The following WDFY2 variants were observed in gnomAD, a reference collection of about 807,000 sequenced individuals.
WDFY2 encodes WD repeat and FYVE domain containing 2, also known as WD repeat and FYVE domain-containing protein 2.
Under a neutral mutation model 56.4 loss-of-function variants are expected in WDFY2, and 36 were observed. That is an observed-to-expected ratio of 0.64 (90% CI 0.49 to 0.84). The LOEUF is 0.84. Among genes scored for constraint, WDFY2 ranks in the 40% least tolerant of loss-of-function variants. The pLI is 0.00. For synonymous variants in WDFY2, 176 were observed against 183.7 expected, an observed-to-expected ratio of 0.96 and a Z score of 0.34; for missense variants, 444 against 512.2, an observed-to-expected ratio of 0.87 and a Z score of 1.29.
intron 4 of WDFY2, 37 bp from the exon 5 acceptor site, chr13:51,719,161 T>C (rs1463764282): frequency 1.2e-6 from 2 of 1,613,876 alleles, no homozygotes; most frequent in Non-Finnish European, 1.7e-6. Flanking sequence ...CTCCTTAGGA[T>C]GCTTTATAGG....
chr13:51,675,233 G>C lies in WDFY2; in HGVS notation c.269G>C (p.Gly90Ala). 1 of 1,613,384 alleles carries C rather than the reference G, an allele frequency of 6.2e-7. No homozygotes were observed. The highest frequency in any genetic ancestry group is 8.5e-7 in the Non-Finnish European group (1 of 1,179,400). Residue 90 changes from glycine (G) to alanine (A), a missense_variant, in exon 3 of 12, where the codon GGT becomes GCT. Physicochemically the swap from Gly to Ala is moderately conservative, Grantham distance 60 (BLOSUM62 0). Coordinates refer to ENST00000298125, the MANE Select transcript of WDFY2 (RefSeq NM_052950.4). ...AGACTGTCCATAGGTCTAGACAATG[G>C]TACAATCTCAGTAAGTACACATAAA... ...TRRLSIGLDN[G>A]TISEFILSED...
At chr13:51,690,465 G>A (rs558451174) in intron 3 of WDFY2, among the ~76,000 whole-genome samples, 15 of 151,052 alleles carry the variant, frequency 9.9e-5, no homozygotes, top group Non-Finnish European at 1.5e-4. Context: ...TTGTTCTTGT[G>A]ATAGTTTACT....
intron 1 of WDFY2, among the ~76,000 whole-genome samples, chr13:51,658,794 A>C (rs2073672313): frequency 6.6e-6 from 1 of 152,250 alleles, no homozygotes; most frequent in African/African-American, 2.4e-5. Context: ...CTCACAAATT[A>C]ATATAATTGA....
chr13:51,653,025 G>T (rs998542146), intron 1 of WDFY2, among the ~76,000 whole-genome samples: 1 of 152,114 alleles, frequency 6.6e-6, no homozygotes, highest in Non-Finnish European at 1.5e-5. Flanking sequence ...CATTCTCCCC[G>T]TCACTTTCAG....
At chr13:51,630,527 A>G (rs1366065054) in intron 1 of WDFY2, among the ~76,000 whole-genome samples, 1 of 148,100 alleles carries the variant, frequency 6.8e-6, no homozygotes, top group Admixed American at 6.7e-5. Context: ...TTCTTTATGC[A>G]TACTTTTTGA....
intron 4 of WDFY2, among the ~76,000 whole-genome samples, chr13:51,714,875 G>A (rs562758503): frequency 6.6e-6 from 1 of 152,344 alleles, no homozygotes; most frequent in East Asian, 1.9e-4. Context: ...CTGGGCTAGA[G>A]GGTATAGCCT....
In WDFY2 at chr13:51,612,588, G is replaced by A. The variant is rs909777766; in HGVS notation, c.137+27764G>A. On this transcript the variant is annotated intron_variant, in intron 1 of 11. Transcript: ENST00000298125. Reference sequence around the variant, plus strand: ...TATGCCAAAAAGTGTATTAAACTCTGAGAAGTGATATAGTCCATTTGTAAA... The same window carrying A: ...TATGCCAAAAAGTGTATTAAACTCTAAGAAGTGATATAGTCCATTTGTAAA... Among the ~76,000 whole-genome samples the A allele has an allele frequency of 8.5e-5, 13 of 152,300 alleles. No individual in the cohort carries two copies. In the East Asian group the frequency reaches 1.7e-3, roughly 20 times the overall value.
At chr13:51,725,772 C>T (rs1349475323) in intron 5 of WDFY2, among the ~76,000 whole-genome samples, 1 of 151,334 alleles carries the variant, frequency 6.6e-6, no homozygotes, top group Non-Finnish European at 1.5e-5. Flanking sequence ...TGGCTCACTG[C>T]AGCTTCAATT....
At chr13:51,729,504 C>T (rs1952677040) in intron 6 of WDFY2, among the ~76,000 whole-genome samples, 1 of 151,856 alleles carries the variant, frequency 6.6e-6, no homozygotes, top group Non-Finnish European at 1.5e-5. Flanking sequence ...CTCCTCTTCT[C>T]AGTGCAGGAG....
chr13:51,586,108 A>G (rs1427713538), intron 1 of WDFY2: 7 of 398,460 alleles, frequency 1.8e-5, no homozygotes, highest in Non-Finnish European at 3.1e-5. Flanking sequence ...AATGGAGTAC[A>G]TGGATGTAGG....
intron 6 of WDFY2, 124 bp from the exon 7 acceptor site, chr13:51,738,925 C>T (rs1194519382): frequency 4.1e-6 from 5 of 1,223,526 alleles, no homozygotes; most frequent in Non-Finnish European, 5.3e-6. Context: ...CTTGATTGTT[C>T]TTTCAATAAG....
At chr13:51,649,591 A>G (rs1305568194) in intron 1 of WDFY2, among the ~76,000 whole-genome samples, 2 of 114,086 alleles carry the variant, frequency 1.8e-5, no homozygotes, top group Non-Finnish European at 3.5e-5. Flanking sequence ...CTACCCCACA[A>G]TAGGCCCCAG....
At chr13:51,608,630 G>A (rs1030537103) in intron 1 of WDFY2, among the ~76,000 whole-genome samples, 5 of 152,146 alleles carry the variant, frequency 3.3e-5, no homozygotes, top group Admixed American at 2.0e-4. Context: ...GCAGTGAGAC[G>A]AGCTCGCACC....
At chr13:51,590,275 A>G (rs1166894798) in intron 1 of WDFY2, 1 of 152,246 alleles carries the variant, frequency 6.6e-6, no homozygotes, top group East Asian at 1.9e-4. Context: ...TGCTAAACTT[A>G]CTTTGAAAAA....
chr13:51,664,843 A>G (rs2049611011), intron 2 of WDFY2, among the ~76,000 whole-genome samples: 1 of 152,242 alleles, frequency 6.6e-6, no homozygotes, highest in African/African-American at 2.4e-5. Flanking sequence ...AGGTGAGGGC[A>G]TGTAAAGAAG....
At chr13:51,720,013 G>T (rs1358913401) in intron 5 of WDFY2, among the ~76,000 whole-genome samples, 1 of 152,184 alleles carries the variant, frequency 6.6e-6, no homozygotes, top group African/African-American at 2.4e-5. Flanking sequence ...ATTGACTAGT[G>T]TGTAGCATGT....
intron 3 of WDFY2, among the ~76,000 whole-genome samples, chr13:51,696,177 C>T (rs1490301868): frequency 6.6e-6 from 1 of 152,186 alleles, no homozygotes; most frequent in Non-Finnish European, 1.5e-5. Context: ...GGGTGTGCTG[C>T]ACCCACTATC....
At chr13:51,747,690 TCTGA>T (rs1953134506) in intron 7 of WDFY2, among the ~76,000 whole-genome samples, 1 of 151,980 alleles carries the variant, frequency 6.6e-6, no homozygotes, top group South Asian at 2.1e-4. Context: ...TACCACCACA[TCTGA>T]CTGAGTTTTT....
Position 51,759,936 on chromosome 13 carries a change from G to C in WDFY2, c.*167G>C, listed in dbSNP as rs533649528. On this transcript the variant is annotated 3_prime_UTR_variant, in exon 12 of 12. Coordinates refer to ENST00000298125, the MANE Select transcript of WDFY2 (RefSeq NM_052950.4). ...TGCACAGTGGGGACCTGGCCAGTGA[G>C]CACTCGCAAGGGGACTCTTCCAACT... The C allele has an allele frequency of 1.9e-4, 121 of 622,124 alleles. No homozygotes were observed. In the African/African-American group the frequency reaches 2.0e-3, roughly 10 times the overall value. The allele number at this position is 622,124 out of a possible 1,614,324, so 38.5% of individuals were successfully genotyped here. A position where few individuals can be genotyped will look rare whatever the true frequency, so the allele number is the denominator to read the frequency against.
Sources: gnomAD v4.1 joint callset for allele counts (sites outside exome capture counted in the v4.1 genomes callset) on GRCh38, gnomAD v4.1.1 for gene constraint, MANE v1.5 for transcripts, NCBI Gene and HGNC (gene_info 2026-07-23, HGNC 2026-07-21) for gene names.